RAB33B: variants seen among roughly 807,000 people sequenced by gnomAD.
RAB33B encodes the protein RAB33B, member RAS oncogene family, also known as ras-related protein Rab-33B.
In RAB33B, 6 loss-of-function variants were observed where a neutral mutation model predicts 15.0. The ratio of observed to expected loss-of-function variants is 0.40; its 90% confidence interval spans 0.22 to 0.79. RAB33B has a LOEUF of 0.79. Among genes scored for constraint, RAB33B ranks in the 30% least tolerant of loss-of-function variants. RAB33B has a pLI of 0.37. For missense variants in RAB33B, 257 were observed against 296.4 expected, an observed-to-expected ratio of 0.87 and a Z score of 0.98; for synonymous variants, 117 against 108.3, an observed-to-expected ratio of 1.08 and a Z score of -0.50.
At chr4:139,439,222 G>C in the RAB33B span, among the ~76,000 whole-genome samples, 1 of 152,100 alleles carries the variant, frequency 6.6e-6, no homozygotes, top group African/African-American at 2.4e-5. Context: ...TGATGGTTTG[G>C]ATCTCCTGAC....
At chr4:139,447,976 A>G in the RAB33B span, among the ~76,000 whole-genome samples, 1 of 151,760 alleles carries the variant, frequency 6.6e-6, no homozygotes, top group African/African-American at 2.4e-5. Flanking sequence ...CCAGTCTACT[A>G]CTTTTAAGTC....
chr4:139,454,469 G>C, intron 1 of RAB33B, 25 bp downstream of exon 1: 1 of 1,600,232 alleles, frequency 6.2e-7, no homozygotes. Flanking sequence ...AACTGTTGGG[G>C]AGGACAGGGT....
At position 139,467,272 on chromosome 4, in the gene RAB33B, C is replaced by T. The variant is rs575227715; in HGVS notation, c.250-5414C>T. On this transcript the variant is annotated intron_variant, in intron 1 of 1. Transcript: ENST00000305626. ...GGATGAGCCACTGTGCCTGGCCTTC[C>T]GCCGCGCACCTCTTTCCCCACCACG... Among the ~76,000 whole-genome samples the T allele has an allele frequency of 2.4e-4, 35 of 145,006 alleles. 1 individual carries two copies. In the South Asian group the frequency reaches 4.4e-3, roughly 18 times the overall value.
intron 1 of RAB33B, among the ~76,000 whole-genome samples, chr4:139,461,910 A>T (rs1750180370): frequency 6.6e-6 from 1 of 152,042 alleles, no homozygotes; most frequent in Non-Finnish European, 1.5e-5. Flanking sequence ...TCTCAAAAAA[A>T]AAAAAATTTC....
intron 1 of RAB33B, among the ~76,000 whole-genome samples, chr4:139,455,353 A>G (rs568959938): frequency 6.6e-6 from 1 of 152,250 alleles, no homozygotes; most frequent in Non-Finnish European, 1.5e-5. Context: ...CTTGCCTTAT[A>G]CTACTGCTTT....
At chr4:139,454,040 G>A, upstream of RAB33B, 3 of 853,084 alleles carry the variant, frequency 3.5e-6, no homozygotes, top group South Asian at 3.7e-5. Context: ...GGGCGGGGCG[G>A]GAAGGTGCGC....
chr4:139,474,859 G>A lies in RAB33B; in HGVS notation c.*1733G>A, dbSNP rs557996835. On this transcript the variant is annotated 3_prime_UTR_variant, in exon 2 of 2. Transcript: ENST00000305626. ...TAGATTGCTGTCCTTAATAATTTTG[G>A]AGGAAATTAAGCCAAATGATTATTG... 1.3e-5 allele frequency: 2 copies of A among 152,620 alleles called. No homozygotes were observed. Among genetic ancestry groups the A allele is most frequent in the African/African-American group, 4.8e-5 (2 of 41,552 alleles). 9.5% of individuals were successfully genotyped at this position (152,620 alleles called of 1,614,324 possible). A position where few individuals can be genotyped will look rare whatever the true frequency, so the allele number is the denominator to read the frequency against.
At chr4:139,439,950 G>GT in the RAB33B span, among the ~76,000 whole-genome samples, 1 of 151,756 alleles carries the variant, frequency 6.6e-6, no homozygotes, top group Non-Finnish European at 1.5e-5. Flanking sequence ...AATTCCTTTT[G>GT]TTTTTTGAGT....
the RAB33B span, among the ~76,000 whole-genome samples, chr4:139,442,774 C>G: frequency 6.6e-6 from 1 of 151,986 alleles, no homozygotes; most frequent in African/African-American, 2.4e-5. Context: ...TTAATAAACT[C>G]TCCTTTATAT....
chr4:139,449,434 T>C (rs1221927041), upstream of RAB33B: 1 of 152,182 alleles, frequency 6.6e-6, no homozygotes, highest in Non-Finnish European at 1.5e-5. Context: ...ATCCTGAATG[T>C]GTCTGTGAGA....
chr4:139,455,368 C>G (rs1280129439), intron 1 of RAB33B, among the ~76,000 whole-genome samples: 1 of 152,124 alleles, frequency 6.6e-6, no homozygotes, highest in Non-Finnish European at 1.5e-5. Context: ...TGCTTTAAAT[C>G]AGCGATCGTC....
At chr4:139,454,558 T>A in intron 1 of RAB33B, 114 bp downstream of exon 1, 1 of 1,212,728 alleles carries the variant, frequency 8.2e-7, no homozygotes, top group Non-Finnish European at 1.1e-6. Flanking sequence ...TTTCTCACGC[T>A]GATGAGATTG....
At chr4:139,453,980 C>T (rs1340342520), upstream of RAB33B, 2 of 436,610 alleles carry the variant, frequency 4.6e-6, no homozygotes, top group Non-Finnish European at 3.9e-6. Context: ...TGGCCGCGGG[C>T]AGGCGGCTCC....
chr4:139,439,969 G>T, the RAB33B span, among the ~76,000 whole-genome samples: 8 of 151,610 alleles, frequency 5.3e-5, no homozygotes, highest in Non-Finnish European at 1.0e-4. Flanking sequence ...GTCTCTTTAG[G>T]TTTCATTTGA....
intron 1 of RAB33B, among the ~76,000 whole-genome samples, chr4:139,455,302 C>A (rs550287758): frequency 1.3e-5 from 2 of 152,276 alleles, no homozygotes; most frequent in East Asian, 3.9e-4. Context: ...CCACTAAATG[C>A]CACCTGTTGA....
chr4:139,463,476 A>G (rs1028505783), intron 1 of RAB33B, among the ~76,000 whole-genome samples: 7 of 152,238 alleles, frequency 4.6e-5, no homozygotes, highest in Non-Finnish European at 8.8e-5. Context: ...TAAAATGGCA[A>G]TAAGATTGCT....
rs763106736 is a variant in RAB33B, at chr4:139,472,857, A to G, written c.421A>G (p.Ile141Val). The change falls in exon 2 of 2, where the codon ATA becomes GTA. Residue 141 changes from isoleucine (I) to valine (V), a missense_variant. Physicochemically the swap from Ile to Val is conservative, Grantham distance 29. Coordinates refer to ENST00000305626, the MANE Select transcript of RAB33B (RefSeq NM_031296.3). ...CAAACAACATTTGCTAGCCAATGAT[A>G]TACCACGGATTCTTGTTGGAAATAA... ...ECKQHLLAND[I>V]PRILVGNKCD... 2.0e-5 allele frequency: 33 copies of G among 1,614,112 alleles called. No homozygotes were observed. Among genetic ancestry groups the G allele is most frequent in the Middle Eastern group, 1.6e-4 (1 of 6,084 alleles).
intron 1 of RAB33B, among the ~76,000 whole-genome samples, chr4:139,458,711 C>T (rs1750114750): frequency 6.6e-6 from 1 of 152,198 alleles, no homozygotes; most frequent in Admixed American, 6.5e-5. Context: ...ATAGTGCTGT[C>T]ATGAACATAC....
At position 139,476,392 on chromosome 4, in the gene RAB33B, A is replaced by G. The variant is rs983491136; in HGVS notation, c.*3266A>G. 1 of 152,226 alleles carries G rather than the reference A, an allele frequency of 6.6e-6. No individual in the cohort carries two copies. The highest frequency in any genetic ancestry group is 2.4e-5 in the African/African-American group (1 of 41,462). 9.4% of individuals were successfully genotyped at this position (152,226 alleles called of 1,614,324 possible). ...TTCCCCTGGTCAGTTTATTTTACGT[A>G]TAAGTTACCCTTGTGTTCAAACACA... is the stretch of plus-strand genomic sequence containing the variant. On this transcript the variant is annotated 3_prime_UTR_variant, in exon 2 of 2. Transcript: ENST00000305626.
Sources: gnomAD v4.1 joint callset for allele counts (sites outside exome capture counted in the v4.1 genomes callset) on GRCh38, gnomAD v4.1.1 for gene constraint, MANE v1.5 for transcripts, NCBI Gene and HGNC (gene_info 2026-07-23, HGNC 2026-07-21) for gene names.